XPO7: variants seen among roughly 807,000 people sequenced by gnomAD.
XPO7 encodes exportin 7, also known as exportin-7.
Under a neutral mutation model 144.3 loss-of-function variants are expected in XPO7, and 21 were observed. The observed-to-expected ratio is 0.15, with a 90% confidence interval of 0.10 to 0.21. The LOEUF (loss-of-function observed/expected upper bound fraction) is 0.21. Ranked by LOEUF, XPO7 falls within the 10% of genes least tolerant of loss-of-function variation. The pLI is 1.00. For synonymous variants in XPO7, 580 were observed against 499.6 expected, an observed-to-expected ratio of 1.16 and a Z score of -2.15; for missense variants, 808 against 1,325.8, an observed-to-expected ratio of 0.61 and a Z score of 6.06.
chr8:21,944,914 C>T (rs974113242), intron 1 of XPO7, among the ~76,000 whole-genome samples: 3 of 152,118 alleles, frequency 2.0e-5, no homozygotes, highest in South Asian at 2.1e-4. Context: ...TCAGAGAGCA[C>T]GGGGATGGGG....
At chr8:21,986,722 G>A (rs923670217) in intron 13 of XPO7, among the ~76,000 whole-genome samples, 3 of 152,164 alleles carry the variant, frequency 2.0e-5, no homozygotes, top group Admixed American at 6.5e-5. Flanking sequence ...CTTGAGTGTA[G>A]CAACACAATG....
At chr8:21,998,385 G>C (rs923073396) in intron 21 of XPO7, among the ~76,000 whole-genome samples, 1 of 152,126 alleles carries the variant, frequency 6.6e-6, no homozygotes, top group Non-Finnish European at 1.5e-5. Context: ...AGGTTGCAGT[G>C]AGCCGAAATT....
intron 1 of XPO7, among the ~76,000 whole-genome samples, chr8:21,952,012 G>A (rs1811390264): frequency 6.6e-6 from 1 of 152,188 alleles, no homozygotes; most frequent in South Asian, 2.1e-4. Context: ...GTGCAAAAAT[G>A]TGGCGTTAAT....
At chr8:21,955,918 G>A (rs1312518816) in intron 1 of XPO7, among the ~76,000 whole-genome samples, 2 of 151,750 alleles carry the variant, frequency 1.3e-5, no homozygotes, top group African/African-American at 2.4e-5. Flanking sequence ...TAGTAGAGAC[G>A]GGATTTCACC....
intron 5 of XPO7, among the ~76,000 whole-genome samples, chr8:21,972,913 C>G (rs1033485183): frequency 6.6e-6 from 1 of 152,216 alleles, no homozygotes; most frequent in Admixed American, 6.5e-5. Flanking sequence ...TTGCCACATG[C>G]AATCCCCGTT....
chr8:21,925,091 C>T (rs1005596288), intron 1 of XPO7, among the ~76,000 whole-genome samples: 1 of 152,180 alleles, frequency 6.6e-6, no homozygotes, highest in African/African-American at 2.4e-5. Context: ...ACCCCGTTAT[C>T]TTTTCCCCCA....
intron 17 of XPO7, 156 bp downstream of exon 17, chr8:21,990,563 T>C (rs1232040868): frequency 5.8e-6 from 5 of 859,174 alleles, no homozygotes; most frequent in Non-Finnish European, 9.1e-6. Flanking sequence ...ACTTACGTCA[T>C]CAGAGTGGCT....
At chr8:21,950,055 T>A (rs1811319262) in intron 1 of XPO7, among the ~76,000 whole-genome samples, 1 of 152,228 alleles carries the variant, frequency 6.6e-6, no homozygotes, top group Non-Finnish European at 1.5e-5. Flanking sequence ...GCACTTGGCC[T>A]TGGTGTCTTC....
intron 21 of XPO7, 125 bp from the exon 22 acceptor site, chr8:21,998,630 G>C (rs565715262): frequency 1.5e-6 from 1 of 686,284 alleles, no homozygotes; most frequent in African/African-American, 1.8e-5. Context: ...CTCATATTAG[G>C]ATAGGCAATT....
chr8:21,949,298 GCT>G (rs1282247256), intron 1 of XPO7, among the ~76,000 whole-genome samples: 5 of 152,252 alleles, frequency 3.3e-5, no homozygotes, highest in South Asian at 2.1e-4. Context: ...TTCCGTTATT[GCT>G]CTGTCAGCCA....
At chr8:21,958,409 A>G (rs1429669915) in intron 1 of XPO7, among the ~76,000 whole-genome samples, 1 of 152,172 alleles carries the variant, frequency 6.6e-6, no homozygotes, top group Non-Finnish European at 1.5e-5. Context: ...CATATTGTTG[A>G]TTTATTAGCG....
At chr8:21,923,421 G>T (rs1810356517) in intron 1 of XPO7, among the ~76,000 whole-genome samples, 1 of 151,904 alleles carries the variant, frequency 6.6e-6, no homozygotes, top group Non-Finnish European at 1.5e-5. Context: ...CTCTTTCGTG[G>T]GTTTATACAA....
chr8:21,968,507 G>C (rs144303448), intron 2 of XPO7, among the ~76,000 whole-genome samples: 2 of 152,172 alleles, frequency 1.3e-5, no homozygotes, highest in Non-Finnish European at 2.9e-5. Flanking sequence ...TAAATCACTT[G>C]GTGTTTGGAT....
intron 17 of XPO7, 189 bp from the exon 18 acceptor site, chr8:21,990,622 T>C (rs1812740202): frequency 9.9e-6 from 7 of 704,884 alleles, no homozygotes; most frequent in Admixed American, 2.8e-5. Flanking sequence ...CTACTGCTAC[T>C]CATACTGCAG....
intron 25 of XPO7, among the ~76,000 whole-genome samples, chr8:22,002,768 T>C (rs932428823): frequency 6.0e-5 from 9 of 151,022 alleles, no homozygotes; most frequent in African/African-American, 2.2e-4. Context: ...GGAAATGGGA[T>C]CAGTAATTAT....
At chr8:21,968,782 C>T (rs945919325) in intron 2 of XPO7, among the ~76,000 whole-genome samples, 1 of 152,130 alleles carries the variant, frequency 6.6e-6, no homozygotes, top group African/African-American at 2.4e-5. Flanking sequence ...ATAATATAGC[C>T]ACATGGAGGA....
intron 19 of XPO7, among the ~76,000 whole-genome samples, chr8:21,993,425 G>T (rs1056195144): frequency 2.6e-5 from 4 of 152,102 alleles, no homozygotes; most frequent in African/African-American, 9.7e-5. Flanking sequence ...AAGTGATGTC[G>T]TTTTTGCCAA....
At chr8:21,992,325 TTG>T (rs1231505895) in intron 19 of XPO7, among the ~76,000 whole-genome samples, 5 of 152,336 alleles carry the variant, frequency 3.3e-5, no homozygotes, top group Admixed American at 6.5e-5. Context: ...TTTCTTAAAA[TTG>T]TGGTAAAAAA....
At chr8:21,965,621 A>G (rs1811857517) in intron 1 of XPO7, among the ~76,000 whole-genome samples, 1 of 152,214 alleles carries the variant, frequency 6.6e-6, no homozygotes, top group South Asian at 2.1e-4. Context: ...TGATGATCTT[A>G]GGGCGTCAGT....
Sources: allele counts gnomAD v4.1 joint callset (sites outside exome capture counted in the v4.1 genomes callset), GRCh38; gene constraint gnomAD v4.1.1; transcripts MANE v1.5; gene names NCBI Gene and HGNC (gene_info 2026-07-23, HGNC 2026-07-21).